LRCOL1: variants seen among roughly 807,000 people sequenced by gnomAD.
LRCOL1 encodes leucine rich colipase like 1.
Under a neutral mutation model 21.6 loss-of-function variants are expected in LRCOL1, and 21 were observed. That is an observed-to-expected ratio of 0.97 (90% CI 0.69 to 1.40). LRCOL1 has a LOEUF of 1.40. Among genes scored for constraint, LRCOL1 ranks in the 40% most tolerant of loss-of-function variants. The pLI is 0.00. For synonymous variants in LRCOL1, 98 were observed against 90.1 expected (o/e 1.09, Z -0.49); for missense variants, 198 against 202.3 (o/e 0.98, Z 0.13).
intron 1 of LRCOL1, among the ~76,000 whole-genome samples, chr12:132,608,782 A>G (rs1185840182): frequency 6.6e-6 from 1 of 152,232 alleles, no homozygotes; most frequent in Non-Finnish European, 1.5e-5. Flanking sequence ...AATCACAACT[A>G]GAACTTTTCT....
intron 2 of LRCOL1, 161 bp downstream of exon 2, chr12:132,605,986 G>T: frequency 1.5e-6 from 1 of 650,406 alleles, no homozygotes; most frequent in Admixed American, 2.8e-5. Context: ...CAGCCTCAGG[G>T]AGGGTTTCAT....
intron 5 of LRCOL1, 128 bp from the exon 6 acceptor site, chr12:132,603,532 A>AGAGGCC: frequency 6.6e-7 from 1 of 1,517,014 alleles, no homozygotes; most frequent in African/African-American, 1.4e-5. Flanking sequence ...GACAGCACCC[A>AGAGGCC]GAGGCCGACG....
Position 132,603,817 on chromosome 12 carries a change from G to T in LRCOL1, c.478-413C>A, listed in dbSNP as rs575227333. On this transcript the variant is annotated intron_variant, in intron 5 of 5. Coordinates refer to ENST00000376608, the MANE Select transcript of LRCOL1 (RefSeq NM_001195520.2). ...GCTCAGCAGAGCGGGAGCCTGCACC[G>T]AGCACGGCTTGTCCCATGGATTTCC... is the stretch of plus-strand genomic sequence containing the variant. 1.7e-5 allele frequency: 17 copies of T among 985,298 alleles called. No homozygotes were observed. In the South Asian group the frequency reaches 4.2e-4, roughly 24 times the overall value. 61.0% of individuals were successfully genotyped at this position (985,298 alleles called of 1,614,324 possible). A position where few individuals can be genotyped will look rare whatever the true frequency, so the allele number is the denominator to read the frequency against.
rs575019314 is a variant in LRCOL1, at chr12:132,606,532, C to A, written c.-13-268G>T. Among the ~76,000 whole-genome samples, 1 of 152,312 alleles carries A rather than the reference C, an allele frequency of 6.6e-6. No individual in the cohort carries two copies. Among genetic ancestry groups the A allele is most frequent in the East Asian group, 1.9e-4 (1 of 5,188 alleles). Reference sequence around the variant, plus strand: ...TGCTGCACTCGTGTGACACATCTGTCCACCATTGATAGACCCACAGGGACG... The same window carrying A: ...TGCTGCACTCGTGTGACACATCTGTACACCATTGATAGACCCACAGGGACG... On this transcript the variant is annotated intron_variant, in intron 1 of 5. Transcript: ENST00000376608. The surrounding 1 kb of genome is among the most constrained non-coding windows in gnomAD (Gnocchi z 4.6).
Position 132,604,842 on chromosome 12 carries a change from A to C in LRCOL1, c.106-11T>G. 5.9e-6 allele frequency: 9 copies of C among 1,535,202 alleles called. No homozygotes were observed. The highest frequency in any genetic ancestry group is 7.9e-6 in the Non-Finnish European group (9 of 1,146,402). On this transcript the variant is annotated splice_polypyrimidine_tract_variant and intron_variant, in intron 2 of 5. Coordinates refer to ENST00000376608, the MANE Select transcript of LRCOL1 (RefSeq NM_001195520.2). ...TGGCTCCCCGATGCCCTGAAACACC[A>C]CTCACCAGCTCGCTCACCTGTTCCT...
intron 2 of LRCOL1, chr12:132,605,745 T>A (rs1430309501): frequency 7.3e-5 from 4 of 54,934 alleles, no homozygotes; most frequent in Non-Finnish European, 1.4e-4. Context: ...TCTCTCTCTC[T>A]TACACACACA....
In LRCOL1 at chr12:132,607,171, G is replaced by A. The variant is rs552077458; in HGVS notation, c.-13-907C>T. Among the ~76,000 whole-genome samples, 8 of 152,302 alleles carry A rather than the reference G, an allele frequency of 5.3e-5. No homozygotes were observed. The East Asian group carries it at 1.6e-3, about 30-fold the overall frequency. ...CGGACGGCGCTGCCCCCACCACAGC[G>A]ACCGGCCCAGTACAGGGTGGATGAC... is the stretch of plus-strand genomic sequence containing the variant. On this transcript the variant is annotated intron_variant, in intron 1 of 5. Coordinates refer to ENST00000376608, the MANE Select transcript of LRCOL1 (RefSeq NM_001195520.2).
In LRCOL1 at chr12:132,604,560, C is replaced by G. The variant is rs867783050; in HGVS notation, c.256G>C (p.Asp86His). Residue 86 changes from aspartate (D) to histidine (H), a missense_variant, in exon 4 of 6, where the codon GAC (aspartate) becomes CAC (histidine). By Grantham distance (81) the Asp-to-His change is moderately conservative. Coordinates refer to ENST00000376608, the MANE Select transcript of LRCOL1 (RefSeq NM_001195520.2). Reference protein sequence around the residue: ...RKPNGYRCSHDSECQSSCCVR... With the variant: ...RKPNGYRCSHHSECQSSCCVR... ...CAGCAGCTGCTCTGGCACTCTGAGT[C>G]GTGCGAGCATCTGTACCCATTGGGC... The G allele has an allele frequency of 1.3e-6, 2 of 1,535,846 alleles. No individual in the cohort carries two copies.
At chr12:132,607,620 T>C (rs1244918961) in intron 1 of LRCOL1, among the ~76,000 whole-genome samples, 2 of 152,052 alleles carry the variant, frequency 1.3e-5, no homozygotes, top group Non-Finnish European at 2.9e-5. Context: ...CCTGTCTCTC[T>C]GTCTCTCCCT....
intron 2 of LRCOL1, 131 bp from the exon 3 acceptor site, chr12:132,604,962 T>G (rs1470514957): frequency 7.6e-6 from 11 of 1,456,714 alleles, no homozygotes; most frequent in Non-Finnish European, 1.0e-5. Context: ...CCTGAGAAGT[T>G]TCTGGAACAA....
chr12:132,608,308 C>A (rs2041338048), intron 1 of LRCOL1, among the ~76,000 whole-genome samples: 1 of 152,206 alleles, frequency 6.6e-6, no homozygotes, highest in Non-Finnish European at 1.5e-5. Flanking sequence ...CACACCTCTG[C>A]CTGCGGCTGG....
At chr12:132,605,401 T>C (rs951127280) in intron 2 of LRCOL1, among the ~76,000 whole-genome samples, 1 of 152,260 alleles carries the variant, frequency 6.6e-6, no homozygotes. Flanking sequence ...TCCCATTGCA[T>C]GTTAACATAA....
chr12:132,607,751 GTC>G (rs199505799), intron 1 of LRCOL1, among the ~76,000 whole-genome samples: 22 of 116,550 alleles, frequency 1.9e-4, no homozygotes, highest in East Asian at 5.0e-4. Context: ...CTCCGTCTCT[GTC>G]TCTCTCTGTC....
intron 1 of LRCOL1, among the ~76,000 whole-genome samples, chr12:132,608,062 T>C (rs1468840239): frequency 6.6e-6 from 1 of 152,196 alleles, no homozygotes; most frequent in African/African-American, 2.4e-5. Flanking sequence ...TTGATTATTA[T>C]TTTTCTTAAA....
intron 2 of LRCOL1, chr12:132,605,246 C>T: frequency 4.2e-6 from 2 of 480,532 alleles, no homozygotes; most frequent in Non-Finnish European, 5.4e-6. Flanking sequence ...GGCTTGTAGC[C>T]ACCCCCCACC....
chr12:132,608,238 C>A (rs1331773948), intron 1 of LRCOL1, among the ~76,000 whole-genome samples: 1 of 152,194 alleles, frequency 6.6e-6, no homozygotes, highest in African/African-American at 2.4e-5. Flanking sequence ...CTCCCCCATG[C>A]CCATCGCAGG....
rs2041249472 is a variant in LRCOL1, at chr12:132,603,342, G to A, written c.*60C>T. ...GCTGGAACCAGCCCCCGCGCAACGC[G>A]GTCCTGCGTGAACATCCCAGGGCCC... On this transcript the variant is annotated 3_prime_UTR_variant, in exon 6 of 6. Coordinates refer to ENST00000376608, the MANE Select transcript of LRCOL1 (RefSeq NM_001195520.2). 11 of 1,534,854 alleles carry A rather than the reference G, an allele frequency of 7.2e-6. No homozygotes were observed. The highest frequency in any genetic ancestry group is 4.9e-5 in the East Asian group (2 of 40,894).
intron 5 of LRCOL1, 56 bp from the exon 6 acceptor site, chr12:132,603,460 G>T: frequency 6.5e-7 from 1 of 1,535,924 alleles, no homozygotes; most frequent in Non-Finnish European, 8.7e-7. Flanking sequence ...CGAAGCGGCC[G>T]CGGAAGGAGG....
At chr12:132,604,624 C>A in intron 3 of LRCOL1, 40 bp from the exon 4 acceptor site, 1 of 1,525,472 alleles carries the variant, frequency 6.6e-7, no homozygotes, top group South Asian at 1.2e-5. Flanking sequence ...ACCCACCATC[C>A]ACTCCCTGGC....
Sources: gnomAD v4.1 joint callset for allele counts (sites outside exome capture counted in the v4.1 genomes callset) on GRCh38, gnomAD v4.1.1 for gene constraint, Gnocchi (gnomAD v3.1) non-coding constraint, MANE v1.5 for transcripts, NCBI Gene and HGNC (gene_info 2026-07-23, HGNC 2026-07-21) for gene names.